Variants in HGF observed in about 807,000 individuals in gnomAD.
The protein encoded by HGF is hepatocyte growth factor.
HGF carries 39 observed loss-of-function variants against 111.6 expected under a neutral mutation model. The observed-to-expected ratio is 0.35, with a 90% CI of 0.27 to 0.46. The LOEUF is 0.46. Ranked by LOEUF, HGF falls within the 20% of genes least tolerant of loss-of-function variation. The pLI is 1.00. For missense variants in HGF, 735 were observed against 910.5 expected (o/e 0.81, Z 2.48); for synonymous variants, 285 against 294.8 (o/e 0.97, Z 0.34).
At chr7:81,762,900 A>G in intron 1 of HGF, 28 bp from the exon 2 acceptor site, 2 of 1,297,532 alleles carry the variant, frequency 1.5e-6, no homozygotes, top group Non-Finnish European at 2.2e-6. Context: ...TTTTAAAAAA[A>G]TAAACATTGG....
intron 7 of HGF, among the ~76,000 whole-genome samples, chr7:81,736,945 G>A (rs1301733203): frequency 8.0e-6 from 1 of 124,272 alleles, no homozygotes; most frequent in African/African-American, 3.0e-5. Flanking sequence ...CTATAGATGA[G>A]GAATGATATA....
chr7:81,758,310 A>T (rs1788884347), intron 3 of HGF, among the ~76,000 whole-genome samples: 1 of 152,082 alleles, frequency 6.6e-6, no homozygotes, highest in South Asian at 2.1e-4. Context: ...CAACATTGTT[A>T]AATGCAAAAT....
chr7:81,707,994 G>T (rs1789472028), intron 13 of HGF, among the ~76,000 whole-genome samples: 1 of 152,098 alleles, frequency 6.6e-6, no homozygotes, highest in Admixed American at 6.6e-5. Flanking sequence ...TAAAATATTT[G>T]CAGAGTATGA....
chr7:81,753,274 C>G (rs76281166), intron 4 of HGF, among the ~76,000 whole-genome samples: 199 of 152,188 alleles, frequency 1.3e-3, no homozygotes, highest in South Asian at 2.9e-3. Flanking sequence ...TTGCATTTGT[C>G]TGCCAGACTT....
Position 81,728,376 on chromosome 7 carries a change from A to T in HGF, c.1040+1229T>A, listed in dbSNP as rs534122447. Among the ~76,000 whole-genome samples, 5 of 152,344 alleles carry T rather than the reference A, an allele frequency of 3.3e-5. No homozygotes were observed. The South Asian group carries it at 1.0e-3, about 32-fold the overall frequency. ...TCTGTTTTTCTTACAGATGAATTTCACTAGGTATCTTTACGTACACAATTT... is the reference window on the plus strand; with the variant it reads ...TCTGTTTTTCTTACAGATGAATTTCTCTAGGTATCTTTACGTACACAATTT... On this transcript the variant is annotated intron_variant, in intron 8 of 17. Coordinates refer to ENST00000222390, the MANE Select transcript of HGF (RefSeq NM_000601.6).
chr7:81,742,798 G>T lies in HGF; in HGVS notation c.865+555C>A, dbSNP rs117646126. 6.7e-3 allele frequency: 10,329 copies of T among 1,546,166 alleles called. 63 individuals carry two copies. The highest frequency in any genetic ancestry group is 7.2e-3 in the Non-Finnish European group (8,218 of 1,145,190). On this transcript the variant is annotated intron_variant, in intron 7 of 17. Transcript: ENST00000222390. Reference sequence around the variant, plus strand: ...AAAAGACAGATCGAAACAGAATGCAGGCTGGGTACAAAGACAGCGAGAGAG... The same window carrying T: ...AAAAGACAGATCGAAACAGAATGCATGCTGGGTACAAAGACAGCGAGAGAG...
chr7:81,705,051 A>G (rs532596164), intron 17 of HGF, among the ~76,000 whole-genome samples: 4 of 152,008 alleles, frequency 2.6e-5, no homozygotes, highest in African/African-American at 9.6e-5. Context: ...TTGGGAAGAT[A>G]AAATAAATTT....
intron 13 of HGF, among the ~76,000 whole-genome samples, chr7:81,708,879 G>A (rs190904576): frequency 1.2e-4 from 18 of 151,958 alleles, no homozygotes; most frequent in Admixed American, 1.2e-3. Context: ...TACACACCTA[G>A]GACAGCTATA....
chr7:81,764,185 T>G (rs551638800), intron 1 of HGF, among the ~76,000 whole-genome samples: 3 of 152,076 alleles, frequency 2.0e-5, no homozygotes, highest in African/African-American at 7.2e-5. Flanking sequence ...AAAAATGCCA[T>G]CATACTCTAA....
At chr7:81,706,550 A>C (rs560618119) in intron 14 of HGF, 123 bp from the exon 15 acceptor site, 44 of 741,220 alleles carry the variant, frequency 5.9e-5, no homozygotes, top group Admixed American at 9.5e-5. Flanking sequence ...TTTGATTCAT[A>C]GTATAATAAA....
chr7:81,744,872 G>T (rs747408616), intron 6 of HGF, 128 bp downstream of exon 6: 96 of 1,053,852 alleles, frequency 9.1e-5, no homozygotes, highest in Non-Finnish European at 1.3e-4. Flanking sequence ...CATTCTGGGA[G>T]TTCTAAATGT....
chr7:81,764,286 T>G (rs1189547062), intron 1 of HGF, among the ~76,000 whole-genome samples: 1 of 152,082 alleles, frequency 6.6e-6, no homozygotes, highest in African/African-American at 2.4e-5. Flanking sequence ...TGCAATAAAT[T>G]AGAGAAAACA....
intron 17 of HGF, among the ~76,000 whole-genome samples, chr7:81,704,805 T>C (rs1335797739): frequency 6.6e-6 from 1 of 151,788 alleles, no homozygotes; most frequent in Non-Finnish European, 1.5e-5. Context: ...AGCTTGTCTA[T>C]GTAAAATAGG....
At chr7:81,706,935 A>C (rs5745747) in intron 14 of HGF, among the ~76,000 whole-genome samples, 10,774 of 151,860 alleles carry the variant, frequency 0.071, 1,269 homozygotes, top group African/African-American at 0.25. Flanking sequence ...TACAGGAGAA[A>C]GAAGTAGTGA....
chr7:81,742,398 A>G (rs1469390264), intron 7 of HGF, among the ~76,000 whole-genome samples: 1 of 152,162 alleles, frequency 6.6e-6, no homozygotes, highest in Non-Finnish European at 1.5e-5. Flanking sequence ...TCTTAATTAT[A>G]TATTTTACTC....
intron 5 of HGF, among the ~76,000 whole-genome samples, chr7:81,747,066 C>T (rs1430819699): frequency 6.6e-6 from 1 of 152,138 alleles, no homozygotes; most frequent in African/African-American, 2.4e-5. Flanking sequence ...TGGCCAGGCA[C>T]GGTGGCTCAC....
intron 7 of HGF, among the ~76,000 whole-genome samples, chr7:81,737,005 T>A (rs1787853833): frequency 1.3e-5 from 2 of 151,754 alleles, no homozygotes; most frequent in African/African-American, 4.8e-5. Context: ...TATAGATATT[T>A]CATTCTGAAG....
At chr7:81,744,877 A>G (rs1434079400) in intron 6 of HGF, 123 bp downstream of exon 6, 2 of 1,108,400 alleles carry the variant, frequency 1.8e-6, no homozygotes, top group African/African-American at 3.1e-5. Flanking sequence ...TGGGAGTTCT[A>G]AATGTTATGT....
chr7:81,728,886 CA>C (rs1790088871), intron 8 of HGF, among the ~76,000 whole-genome samples: 5 of 152,150 alleles, frequency 3.3e-5, no homozygotes, highest in Admixed American at 3.3e-4. Context: ...TTATTAATTT[CA>C]AAAGCAATCA....
Sources: allele counts gnomAD v4.1 joint callset (sites outside exome capture counted in the v4.1 genomes callset), GRCh38; gene constraint gnomAD v4.1.1; transcripts MANE v1.5; gene names NCBI Gene and HGNC (gene_info 2026-07-23, HGNC 2026-07-21).